Variants in ATF7IP2 observed in about 807,000 individuals in gnomAD.
ATF7IP2 encodes activating transcription factor 7 interacting protein 2, also known as activating transcription factor 7-interacting protein 2.
In ATF7IP2, 42 loss-of-function variants were observed where a neutral mutation model predicts 64.2. The observed-to-expected ratio is 0.65, with a 90% CI of 0.51 to 0.85. The LOEUF (loss-of-function observed/expected upper bound fraction) is 0.85, where lower values mean the gene tolerates loss of function less well. Among genes scored for constraint, ATF7IP2 ranks in the 40% least tolerant of loss-of-function variants. ATF7IP2 has a pLI of 0.00. For missense variants in ATF7IP2, 933 were observed against 784.2 expected (o/e 1.19, Z -2.27); for synonymous variants, 308 against 272.8 (o/e 1.13, Z -1.27).
intron 1 of ATF7IP2, among the ~76,000 whole-genome samples, chr16:10,400,767 C>T (rs2047514525): frequency 6.6e-6 from 1 of 152,184 alleles, no homozygotes; most frequent in Admixed American, 6.5e-5. Context: ...TTGCAACCTC[C>T]ATCTCTTGGG....
chr16:10,481,173 C>CTT (rs2050209627), intron 13 of ATF7IP2, among the ~76,000 whole-genome samples: 1 of 152,056 alleles, frequency 6.6e-6, no homozygotes. Flanking sequence ...TTTTATTGAA[C>CTT]AAATTGGAAA....
intron 12 of ATF7IP2, among the ~76,000 whole-genome samples, chr16:10,479,487 A>G (rs929398317): frequency 1.3e-5 from 2 of 152,048 alleles, no homozygotes; most frequent in Admixed American, 6.6e-5. Flanking sequence ...AACATCACAC[A>G]CTGGGGCCTG....
chr16:10,389,169 A>C (rs896062196), intron 1 of ATF7IP2, among the ~76,000 whole-genome samples: 4 of 152,132 alleles, frequency 2.6e-5, no homozygotes, highest in Non-Finnish European at 5.9e-5. Flanking sequence ...TGGAAAGTGA[A>C]GGTTAGGTTT....
At chr16:10,435,129 T>G (rs749361356) in intron 6 of ATF7IP2, among the ~76,000 whole-genome samples, 1 of 152,228 alleles carries the variant, frequency 6.6e-6, no homozygotes, top group Non-Finnish European at 1.5e-5. Context: ...TCACTTCTTA[T>G]TGCTGTCCAA....
At chr16:10,413,263 T>C (rs985419828) in intron 1 of ATF7IP2, among the ~76,000 whole-genome samples, 1 of 152,174 alleles carries the variant, frequency 6.6e-6, no homozygotes, top group Admixed American at 6.5e-5. Context: ...GGGGAGGTAA[T>C]TGAAACATGG....
At position 10,459,035 on chromosome 16, in the gene ATF7IP2, A is replaced by G. The variant is rs900998682; in HGVS notation, c.1352+1506A>G. ...ACTCCATCTCTACTAAAAAATAATA[A>G]TAATAATACAAAAATTGGCCAGGCA... On this transcript the variant is annotated intron_variant, in intron 9 of 13. Coordinates refer to ENST00000562102, the MANE Select transcript of ATF7IP2 (RefSeq NM_001393719.1). 6.6e-4 allele frequency among the ~76,000 whole-genome samples: 99 copies of G among 151,118 alleles called. 1 individual carries two copies. The highest frequency in any genetic ancestry group is 2.1e-3 in the African/African-American group (85 of 41,140).
At chr16:10,473,894 C>CTGTTTTT in intron 11 of ATF7IP2, 29 bp from the exon 12 acceptor site, 1 of 902,918 alleles carries the variant, frequency 1.1e-6, no homozygotes, top group African/African-American at 2.1e-5. Flanking sequence ...TGAGGCAAAG[C>CTGTTTTT]TTTTTTTTTT....
At chr16:10,389,027 A>T (rs1260645337) in intron 1 of ATF7IP2, among the ~76,000 whole-genome samples, 1 of 151,780 alleles carries the variant, frequency 6.6e-6, no homozygotes, top group South Asian at 2.1e-4. Context: ...AAAAAAAATT[A>T]TAGTGGGAAA....
At chr16:10,462,194 T>G (rs1238701429) in intron 9 of ATF7IP2, among the ~76,000 whole-genome samples, 3 of 152,130 alleles carry the variant, frequency 2.0e-5, no homozygotes, top group African/African-American at 7.2e-5. Context: ...TTTCCCCATC[T>G]TATGTGTTTT....
chr16:10,401,967 ATT>A (rs1191155342), intron 1 of ATF7IP2, among the ~76,000 whole-genome samples: 4 of 151,666 alleles, frequency 2.6e-5, no homozygotes, highest in Non-Finnish European at 5.9e-5. Context: ...GTCCTTCTTA[ATT>A]TCTGATTTTG....
intron 1 of ATF7IP2, among the ~76,000 whole-genome samples, chr16:10,401,757 CTTT>C (rs59240195): frequency 2.2e-5 from 3 of 137,530 alleles, no homozygotes; most frequent in Admixed American, 1.4e-4. Context: ...TGTTGGGAGT[CTTT>C]TTTTTTTTTT....
intron 12 of ATF7IP2, 143 bp from the exon 13 acceptor site, chr16:10,480,732 TTTAA>T: frequency 1.5e-6 from 1 of 672,544 alleles, no homozygotes; most frequent in Non-Finnish European, 2.5e-6. Context: ...TATCTTGAAC[TTTAA>T]TTAAAAGTGT....
chr16:10,401,146 G>A (rs8049530), intron 1 of ATF7IP2, among the ~76,000 whole-genome samples: 119,759 of 152,098 alleles, frequency 0.79, 47,905 homozygotes, highest in African/African-American at 0.93. Context: ...TATAAAACCC[G>A]CTTGATTATG....
rs78893774 is a variant in ATF7IP2, at chr16:10,476,244, G to C, written c.1549+2255G>C. On this transcript the variant is annotated intron_variant, in intron 12 of 13. Coordinates refer to ENST00000562102, the MANE Select transcript of ATF7IP2 (RefSeq NM_001393719.1). The stretch of plus-strand genomic sequence containing the variant: ...TAGGAAGGTTTTTGTAAAAATACCA[G>C]TAAATAAGGTGACTAACTGTGAAAC... 2.8e-3 allele frequency among the ~76,000 whole-genome samples: 421 copies of C among 152,250 alleles called. 4 individuals are homozygous for C. The highest frequency in any genetic ancestry group is 9.6e-3 in the African/African-American group (400 of 41,536).
In ATF7IP2 at chr16:10,481,877, A is replaced by G. The variant is rs1567184061; in HGVS notation, c.1677A>G (p.Pro559=). The G allele has an allele frequency of 6.2e-7, 1 of 1,608,914 alleles. No homozygotes were observed. Residue 559 remains proline (P), a synonymous_variant, in exon 14 of 14, where the codon CCA becomes CCG. Transcript: ENST00000562102. The part of the protein sequence containing the change: ...SFEHLPPLPE[P]PAPLPELVDK... ...AGCACCTGCCACCTCTCCCAGAACC[A>G]CCAGCACCACTACCTGAATTAGTAG...
intron 1 of ATF7IP2, among the ~76,000 whole-genome samples, chr16:10,410,587 G>C (rs539545897): frequency 6.6e-6 from 1 of 152,262 alleles, no homozygotes; most frequent in East Asian, 1.9e-4. Context: ...GTGACAGTTT[G>C]ACTTCCTCTT....
chr16:10,419,901 CTGCCTTTGCAGCTG>C (rs2047958800), intron 3 of ATF7IP2, among the ~76,000 whole-genome samples: 1 of 152,246 alleles, frequency 6.6e-6, no homozygotes, highest in Non-Finnish European at 1.5e-5. Flanking sequence ...TGTTCTGCTT[CTGCCTTTGCAGCTG>C]GTTTCTGTAG....
chr16:10,422,406 T>C (rs1277809191), intron 3 of ATF7IP2, among the ~76,000 whole-genome samples: 1 of 152,210 alleles, frequency 6.6e-6, no homozygotes, highest in Non-Finnish European at 1.5e-5. Flanking sequence ...CTTTGAGGGC[T>C]GTATAATTGC....
intron 13 of ATF7IP2, among the ~76,000 whole-genome samples, 157 bp from the exon 14 acceptor site, chr16:10,481,679 A>G (rs1481757090): frequency 7.9e-5 from 12 of 152,212 alleles, no homozygotes; most frequent in Admixed American, 5.2e-4. Context: ...CTTAAATCCA[A>G]AAGAGGATTC....
Sources: allele counts gnomAD v4.1 joint callset (sites outside exome capture counted in the v4.1 genomes callset), GRCh38; gene constraint gnomAD v4.1.1; transcripts MANE v1.5; gene names NCBI Gene and HGNC (gene_info 2026-07-23, HGNC 2026-07-21).